MAN1A1: variants seen among roughly 807,000 people sequenced by gnomAD.
The protein encoded by MAN1A1 is mannosyl-oligosaccharide 1,2-alpha-mannosidase IA.
A neutral mutation model predicts 70.8 loss-of-function variants in MAN1A1; 29 were observed. The ratio of observed to expected loss-of-function variants is 0.41; its 90% CI spans 0.31 to 0.56. MAN1A1 has a LOEUF of 0.56. MAN1A1 is among the 20% of genes least tolerant of loss of function. MAN1A1 has a pLI of 0.29. For missense variants in MAN1A1, 747 were observed against 841.3 expected, an observed-to-expected ratio of 0.89 and a Z score of 1.39; for synonymous variants, 349 against 330.1, an observed-to-expected ratio of 1.06 and a Z score of -0.62.
At chr6:119,271,945 T>C (rs1775936582) in intron 5 of MAN1A1, among the ~76,000 whole-genome samples, 1 of 152,188 alleles carries the variant, frequency 6.6e-6, no homozygotes, top group African/African-American at 2.4e-5. Flanking sequence ...CCTCGTATCC[T>C]ATTACTGGAA....
chr6:119,183,940 C>T (rs1047038933), intron 11 of MAN1A1, among the ~76,000 whole-genome samples: 1 of 151,908 alleles, frequency 6.6e-6, no homozygotes. Context: ...TAGACAATAA[C>T]AAGGGCTTCA....
At chr6:119,198,256 G>A (rs1456346352) in intron 8 of MAN1A1, among the ~76,000 whole-genome samples, 3 of 152,174 alleles carry the variant, frequency 2.0e-5, no homozygotes, top group Non-Finnish European at 4.4e-5. Flanking sequence ...TGGGTGTGGT[G>A]GTACATGCCT....
At chr6:119,339,125 T>C (rs1198617441) in intron 2 of MAN1A1, among the ~76,000 whole-genome samples, 1 of 152,224 alleles carries the variant, frequency 6.6e-6, no homozygotes, top group Non-Finnish European at 1.5e-5. Context: ...AAATGCCATA[T>C]ACTGCTTCAT....
At chr6:119,234,466 T>A (rs1398381813) in intron 6 of MAN1A1, among the ~76,000 whole-genome samples, 1 of 151,962 alleles carries the variant, frequency 6.6e-6, no homozygotes, top group Non-Finnish European at 1.5e-5. Flanking sequence ...TAGGCTGGAG[T>A]GCAGTCTTAC....
intron 8 of MAN1A1, among the ~76,000 whole-genome samples, chr6:119,195,920 A>G (rs1175450594): frequency 6.6e-6 from 1 of 152,216 alleles, no homozygotes; most frequent in Non-Finnish European, 1.5e-5. Flanking sequence ...AACCTCTGAC[A>G]TTTACAAACT....
intron 5 of MAN1A1, among the ~76,000 whole-genome samples, chr6:119,270,526 C>T (rs1775890527): frequency 2.0e-5 from 3 of 152,146 alleles, no homozygotes; most frequent in African/African-American, 7.2e-5. Flanking sequence ...CCATTTCCCT[C>T]CAACCCCTCT....
chr6:119,285,498 A>G (rs1264658717), intron 5 of MAN1A1, among the ~76,000 whole-genome samples: 2 of 152,082 alleles, frequency 1.3e-5, no homozygotes, highest in African/African-American at 4.8e-5. Context: ...ATTTCACTGT[A>G]TCACTATTTC....
At chr6:119,281,997 G>C (rs913666818) in intron 5 of MAN1A1, among the ~76,000 whole-genome samples, 3 of 152,152 alleles carry the variant, frequency 2.0e-5, no homozygotes, top group African/African-American at 7.2e-5. Context: ...GAGAGGAGGA[G>C]TATGCAGTGA....
At chr6:119,250,646 C>CTG (rs758137917) in intron 5 of MAN1A1, among the ~76,000 whole-genome samples, 6,150 of 103,680 alleles carry the variant, frequency 0.059, 149 homozygotes, top group South Asian at 0.13. Flanking sequence ...CTTGTTCTCT[C>CTG]TCTGTGTGTG....
chr6:119,223,925 C>A (rs1774435304), intron 6 of MAN1A1, among the ~76,000 whole-genome samples: 1 of 152,110 alleles, frequency 6.6e-6, no homozygotes, highest in African/African-American at 2.4e-5. Context: ...ACTAACAGAG[C>A]ATTAACCATT....
intron 4 of MAN1A1, among the ~76,000 whole-genome samples, chr6:119,299,571 G>A (rs569837039): frequency 1.3e-5 from 2 of 151,132 alleles, no homozygotes; most frequent in African/African-American, 4.9e-5. Flanking sequence ...TACTAATTGA[G>A]TAAAATTTTA....
At chr6:119,297,859 A>G (rs1267507439) in intron 4 of MAN1A1, among the ~76,000 whole-genome samples, 1 of 145,096 alleles carries the variant, frequency 6.9e-6, no homozygotes, top group Non-Finnish European at 1.5e-5. Flanking sequence ...TCTGTTGCCC[A>G]GGCTGCTCTT....
intron 2 of MAN1A1, among the ~76,000 whole-genome samples, chr6:119,334,613 C>G (rs1252103599): frequency 2.0e-5 from 3 of 152,152 alleles, no homozygotes; most frequent in African/African-American, 7.2e-5. Flanking sequence ...TAAAACCACC[C>G]AAGAACAAAT....
At chr6:119,214,535 T>A (rs1774144047) in intron 6 of MAN1A1, among the ~76,000 whole-genome samples, 1 of 152,174 alleles carries the variant, frequency 6.6e-6, no homozygotes, top group Non-Finnish European at 1.5e-5. Flanking sequence ...GTTTTGTGTT[T>A]TTTAGACAGG....
chr6:119,292,338 G>A lies in MAN1A1; in HGVS notation c.817-1575C>T, dbSNP rs546949546. Among the ~76,000 whole-genome samples, 4 of 152,034 alleles carry A rather than the reference G, an allele frequency of 2.6e-5. No homozygotes were observed. In the South Asian group the frequency reaches 8.3e-4, roughly 32 times the overall value. On this transcript the variant is annotated intron_variant, in intron 4 of 12. Transcript: ENST00000368468. ...TTCACTAATAATCATGGGACTCACA[G>A]CAATTTATAATATATGGAGTCAATA... is the stretch of plus-strand genomic sequence containing the variant.
chr6:119,269,355 C>A (rs1775850121), intron 5 of MAN1A1: 1 of 230,620 alleles, frequency 4.3e-6, no homozygotes, highest in Non-Finnish European at 8.7e-6. Flanking sequence ...TTCAGACACA[C>A]AACCTTGGGA....
intron 6 of MAN1A1, among the ~76,000 whole-genome samples, chr6:119,210,166 G>C (rs2114956209): frequency 6.6e-6 from 1 of 152,270 alleles, no homozygotes; most frequent in Middle Eastern, 3.4e-3. Context: ...AAGATGGCGA[G>C]AGGCACTCTC....
At chr6:119,272,599 A>G (rs1275664539) in intron 5 of MAN1A1, among the ~76,000 whole-genome samples, 1 of 152,216 alleles carries the variant, frequency 6.6e-6, no homozygotes, top group Non-Finnish European at 1.5e-5. Flanking sequence ...ATATATTAAT[A>G]GAGCGTATAC....
At position 119,188,353 on chromosome 6, in the gene MAN1A1, C is replaced by T. The variant is rs1312158322; in HGVS notation, c.1719+52G>A. 1.6e-5 allele frequency: 24 copies of T among 1,507,290 alleles called. No individual in the cohort carries two copies. In the Middle Eastern group the frequency reaches 6.6e-4, roughly 42 times the overall value. 93.4% of individuals were successfully genotyped at this position (1,507,290 alleles called of 1,614,324 possible). A position where few individuals can be genotyped will look rare whatever the true frequency, so the allele number is the denominator to read the frequency against. On this transcript the variant is annotated intron_variant, in intron 11 of 12. Transcript: ENST00000368468. ...AGCCTGATTTATGGGTATCACTGAA[C>T]ATTTTTTACTATGAAATTTATCTAT...
Sources: gnomAD v4.1 joint callset for allele counts (sites outside exome capture counted in the v4.1 genomes callset) on GRCh38, gnomAD v4.1.1 for gene constraint, MANE v1.5 for transcripts, NCBI Gene and HGNC (gene_info 2026-07-23, HGNC 2026-07-21) for gene names.